ACP6: variants seen among roughly 807,000 people sequenced by gnomAD.
The protein encoded by ACP6 is acid phosphatase 6, lysophosphatidic.
Under a neutral mutation model 48.1 loss-of-function variants are expected in ACP6, and 48 were observed. The observed-to-expected ratio is 1.00, with a 90% CI of 0.79 to 1.27. The LOEUF (loss-of-function observed/expected upper bound fraction) is 1.27. Among genes scored for constraint, ACP6 ranks in the 50% most tolerant of loss-of-function variants. The pLI is 0.00. For missense variants in ACP6, 485 were observed against 529.1 expected (o/e 0.92, Z 0.82); for synonymous variants, 172 against 204.2 (o/e 0.84, Z 1.34).
intron 5 of ACP6, among the ~76,000 whole-genome samples, chr1:147,634,468 T>A (rs1259534975): frequency 6.6e-6 from 1 of 152,012 alleles, no homozygotes; most frequent in Non-Finnish European, 1.5e-5. Context: ...AAATCCAACT[T>A]ATCTATATTT....
At chr1:147,633,583 A>C (rs1469613543) in intron 5 of ACP6, among the ~76,000 whole-genome samples, 1 of 152,056 alleles carries the variant, frequency 6.6e-6, no homozygotes, top group African/African-American at 2.4e-5. Context: ...TTTCATGTAA[A>C]AAAAGTCATC....
chr1:147,662,114 A>C (rs1448273478), intron 1 of ACP6, among the ~76,000 whole-genome samples: 1 of 152,220 alleles, frequency 6.6e-6, no homozygotes, highest in Non-Finnish European at 1.5e-5. Flanking sequence ...TTTTAAGCCC[A>C]CTGTTGAGAC....
downstream of ACP6, among the ~76,000 whole-genome samples, chr1:147,641,949 T>C (rs1659464412): frequency 6.6e-6 from 1 of 152,000 alleles, no homozygotes; most frequent in African/African-American, 2.4e-5. Context: ...TCGTGGGAAG[T>C]GAGATGAAAG....
In ACP6 at chr1:147,652,502, C is replaced by A. The variant is rs782010790; in HGVS notation, c.828G>T (p.Met276Ile). The stretch of plus-strand genomic sequence containing the variant: ...ATGTGTCCACAGCTCTCTGTTCGAT[C>A]ATCCTTGCAAATCTCTTCAGCATGG... ...SCPMLKRFAR[M>I]IEQRAVDTSL... The change falls in exon 7 of 10, where the codon ATG becomes ATT. Residue 276 changes from methionine to isoleucine, a missense_variant. Physicochemically the swap from Met to Ile is conservative, Grantham distance 10. Coordinates refer to ENST00000583509, the MANE Select transcript of ACP6 (RefSeq NM_016361.5). The A allele has an allele frequency of 6.2e-7, 1 of 1,614,078 alleles. No homozygotes were observed. Among genetic ancestry groups the A allele is most frequent in the Non-Finnish European group, 8.5e-7 (1 of 1,180,016 alleles).
intron 5 of ACP6, among the ~76,000 whole-genome samples, chr1:147,635,839 A>G (rs1659284643): frequency 6.6e-6 from 1 of 152,248 alleles, no homozygotes; most frequent in Non-Finnish European, 1.5e-5. Flanking sequence ...CCAGCAAAAG[A>G]AACTGAAATT....
intron 3 of ACP6, 166 bp downstream of exon 3, chr1:147,659,230 A>G: frequency 8.9e-7 from 1 of 1,122,686 alleles, no homozygotes. Context: ...TGCGACCTCC[A>G]GGAACGACCT....
At chr1:147,631,813 TAAAAC>T (rs1208071977) in intron 5 of ACP6, among the ~76,000 whole-genome samples, 1 of 148,452 alleles carries the variant, frequency 6.7e-6, no homozygotes, top group East Asian at 2.2e-4. Flanking sequence ...GACTCTGTCT[TAAAAC>T]AACAACAACA....
Position 147,634,548 on chromosome 1 carries a change from T to TC in ACP6, c.461-3484dup, listed in dbSNP as rs11429412. ...GTGAAATATAATGTCATAAAGCTTT[T>TC]CCCCTGTGTTGTCTTCTAAGATTTT... On this transcript the variant is annotated intron_variant, in intron 5 of 5. Transcript: ENST00000609196. Among the ~76,000 whole-genome samples the TC allele has an allele frequency of 7.9e-3, 1,197 of 152,328 alleles. 16 individuals carry two copies. The highest frequency in any genetic ancestry group is 0.027 in the African/African-American group (1,128 of 41,572).
chr1:147,634,752 T>A (rs1388498494), intron 5 of ACP6, among the ~76,000 whole-genome samples: 1 of 152,212 alleles, frequency 6.6e-6, no homozygotes, highest in Admixed American at 6.5e-5. Flanking sequence ...GAACTGTGGA[T>A]GCAGCAGTGA....
Position 147,666,331 on chromosome 1 carries a change from G to T in ACP6, c.219+3499C>A, listed in dbSNP as rs74851839. On this transcript the variant is annotated intron_variant, in intron 1 of 9. Transcript: ENST00000583509. ...AGCAGTCACAGCAATGAGTTCTGTG[G>T]GATTGTTTCTCCTAGTTCTCTCAAC... 4.1e-3 allele frequency among the ~76,000 whole-genome samples: 631 copies of T among 152,192 alleles called. 6 individuals are homozygous for T. Among genetic ancestry groups the T allele is most frequent in the African/African-American group, 0.015 (605 of 41,504 alleles).
chr1:147,632,748 G>A (rs146466660), intron 5 of ACP6, among the ~76,000 whole-genome samples: 16 of 152,266 alleles, frequency 1.1e-4, no homozygotes, highest in Admixed American at 3.9e-4. Context: ...TTTATCAAGT[G>A]AGTCTGGCAG....
downstream of ACP6, among the ~76,000 whole-genome samples, chr1:147,638,155 G>T (rs587606868): frequency 1.3e-5 from 2 of 152,264 alleles, no homozygotes; most frequent in Admixed American, 6.5e-5. Flanking sequence ...ACCAGACAAG[G>T]TTCCTGCTTT....
In ACP6 at chr1:147,659,644, C is replaced by A. The variant is rs1660438780; in HGVS notation, c.348+3G>T. ...CTCCCCAGAGCAAGGAAGCATTGCTCACCTTCAGGGTGGTCTCATGGTATT... is the reference window on the plus strand; with the variant it reads ...CTCCCCAGAGCAAGGAAGCATTGCTAACCTTCAGGGTGGTCTCATGGTATT... On this transcript the variant is annotated splice_donor_region_variant and intron_variant, in intron 2 of 9. Transcript: ENST00000583509. The A allele has an allele frequency of 6.2e-7, 1 of 1,613,984 alleles. No individual in the cohort carries two copies.
chr1:147,641,863 G>A (rs921060791), downstream of ACP6, among the ~76,000 whole-genome samples: 1 of 152,198 alleles, frequency 6.6e-6, no homozygotes, highest in Non-Finnish European at 1.5e-5. Flanking sequence ...AAGGGCAGGC[G>A]GAGGCGGGGC....
At position 147,647,570 on chromosome 1, in the gene ACP6, C is replaced by A; in HGVS notation, c.1144-4G>T. On this transcript the variant is annotated splice_region_variant and splice_polypyrimidine_tract_variant and intron_variant, in intron 9 of 9. Coordinates refer to ENST00000583509, the MANE Select transcript of ACP6 (RefSeq NM_016361.5). ...GGCAACCTCTCGGCACCTGCTCCTG[C>A]AGAAGAAACATAACTCAGCAGGTCC... 12 of 1,611,324 alleles carry A rather than the reference C, an allele frequency of 7.4e-6. No homozygotes were observed. The highest frequency in any genetic ancestry group is 6.7e-5 in the East Asian group (3 of 44,880).
At chr1:147,657,967 G>A (rs2148910733) in intron 4 of ACP6, among the ~76,000 whole-genome samples, 1 of 152,320 alleles carries the variant, frequency 6.6e-6, no homozygotes, top group South Asian at 2.1e-4. Flanking sequence ...TGATGTTTCT[G>A]AGAAGATCTT....
chr1:147,656,318 C>A (rs1660255792), intron 4 of ACP6, among the ~76,000 whole-genome samples: 1 of 152,144 alleles, frequency 6.6e-6, no homozygotes, highest in Non-Finnish European at 1.5e-5. Context: ...GCCACAGAAC[C>A]TCCTCCAACC....
Position 147,659,661 on chromosome 1 carries a change from C to A in ACP6, c.334G>T (p.Glu112Ter), listed in dbSNP as rs1553212363. 1 of 1,614,194 alleles carries A rather than the reference C, an allele frequency of 6.2e-7. No homozygotes were observed. Among genetic ancestry groups the A allele is most frequent in the East Asian group, 2.2e-5 (1 of 44,886 alleles). The change falls in exon 2 of 10, where the codon GAG (glutamate) becomes TAG (stop). Residue 112 changes from glutamate (E) to a stop codon, truncating the protein, a stop_gained. Transcript: ENST00000583509. LOFTEE classifies it high-confidence loss of function. ...PYSPYDSQYH[E>*]TTLKGGMFAG... ...GCATTGCTCACCTTCAGGGTGGTCT[C>A]ATGGTATTGAGAGTCGTAAGGAGAA...
chr1:147,658,494 G>A (rs370824124), intron 4 of ACP6, among the ~76,000 whole-genome samples: 1 of 152,322 alleles, frequency 6.6e-6, no homozygotes. Flanking sequence ...TTCAGGGGCT[G>A]AATGTATCAA....
Sources: gnomAD v4.1 joint callset for allele counts (sites outside exome capture counted in the v4.1 genomes callset) on GRCh38, gnomAD v4.1.1 for gene constraint, MANE v1.5 for transcripts, NCBI Gene and HGNC (gene_info 2026-07-23, HGNC 2026-07-21) for gene names.